Variants in AK7 observed in about 807,000 individuals in gnomAD.
AK7 encodes the protein ATP-AMP transphosphorylase 7.
In AK7, 78 loss-of-function variants were observed where a neutral mutation model predicts 96.6. The observed-to-expected ratio is 0.81, with a 90% confidence interval of 0.67 to 0.97. The LOEUF is 0.97. Ranked by LOEUF, AK7 falls within the 50% of genes least tolerant of loss-of-function variation. AK7 has a pLI of 0.00. For missense variants in AK7, 855 were observed against 887.9 expected (o/e 0.96, Z 0.47); for synonymous variants, 302 against 317.2 (o/e 0.95, Z 0.51).
chr14:96,467,619 C>T (rs1214217104), intron 12 of AK7, among the ~76,000 whole-genome samples: 1 of 152,122 alleles, frequency 6.6e-6, no homozygotes, highest in Non-Finnish European at 1.5e-5. Flanking sequence ...GGATCATAGG[C>T]GTGAGCCACC....
At chr14:96,427,454 AACTC>A (rs1292464533) in intron 5 of AK7, among the ~76,000 whole-genome samples, 1 of 152,186 alleles carries the variant, frequency 6.6e-6, no homozygotes, top group African/African-American at 2.4e-5. Context: ...AACTCATGAG[AACTC>A]ACTCACTATT....
intron 12 of AK7, among the ~76,000 whole-genome samples, chr14:96,459,403 C>T (rs1894132130): frequency 6.6e-6 from 1 of 152,024 alleles, no homozygotes; most frequent in Non-Finnish European, 1.5e-5. Context: ...GCAGAGGTTG[C>T]AGTGAGCCAA....
At position 96,478,486 on chromosome 14, in the gene AK7, C is replaced by A; in HGVS notation, c.1577C>A (p.Ala526Asp). 1 of 1,614,162 alleles carries A rather than the reference C, an allele frequency of 6.2e-7. No homozygotes were observed. Among genetic ancestry groups the A allele is most frequent in the Non-Finnish European group, 8.5e-7 (1 of 1,180,028 alleles). The change falls in exon 15 of 18, where the codon GCT (alanine) becomes GAT (aspartate). Residue 526 changes from alanine (A) to aspartate (D), a missense_variant. By Grantham distance (126) the Ala-to-Asp change is moderately radical. Coordinates refer to ENST00000267584, the MANE Select transcript of AK7 (RefSeq NM_152327.5). ...IIPEFVCALD[A>D]SDEFLKERVI... is the part of the protein sequence containing the mutation. Reference sequence around the variant, plus strand: ...CCAGAATTCGTTTGTGCACTGGATGCTTCGGATGAGTTTCTGAAGGAGCGT... The same window carrying A: ...CCAGAATTCGTTTGTGCACTGGATGATTCGGATGAGTTTCTGAAGGAGCGT...
chr14:96,396,560 G>A (rs1044688377), intron 1 of AK7, among the ~76,000 whole-genome samples: 6 of 152,200 alleles, frequency 3.9e-5, no homozygotes, highest in Non-Finnish European at 1.5e-5. Context: ...AATCTTGCAT[G>A]CTAACCTGGA....
At chr14:96,449,982 T>A (rs1893497482) in intron 9 of AK7, 103 bp downstream of exon 9, 2 of 901,660 alleles carry the variant, frequency 2.2e-6, no homozygotes, top group South Asian at 3.5e-5. Flanking sequence ...ATAACATTGA[T>A]CTGTGAGGGA....
At chr14:96,407,849 G>A (rs1049487781) in intron 3 of AK7, among the ~76,000 whole-genome samples, 1 of 152,078 alleles carries the variant, frequency 6.6e-6, no homozygotes, top group African/African-American at 2.4e-5. Flanking sequence ...CCAAAGTGCT[G>A]GGATTAGGCT....
At chr14:96,462,203 C>T (rs1566800881) in intron 12 of AK7, among the ~76,000 whole-genome samples, 1 of 152,020 alleles carries the variant, frequency 6.6e-6, no homozygotes, top group East Asian at 1.9e-4. Context: ...GGGGAAGATA[C>T]ATCTTTAGAA....
chr14:96,395,431 AG>A (rs1890010524), intron 1 of AK7, among the ~76,000 whole-genome samples: 1 of 152,086 alleles, frequency 6.6e-6, no homozygotes, highest in East Asian at 1.9e-4. Flanking sequence ...GGCTGGTCTC[AG>A]GGGTGGCAGA....
In AK7 at chr14:96,451,489, T is replaced by C; in HGVS notation, c.1017T>C (p.Asn339=). The C allele has an allele frequency of 2.5e-6, 4 of 1,603,880 alleles. No homozygotes were observed. The highest frequency in any genetic ancestry group is 3.4e-6 in the Non-Finnish European group (4 of 1,174,446). Reference sequence around the variant, plus strand: ...CGCTCTTTGTGAAGGAGAATTTTAATATTCGATGGGCTGCCCAAACAGGAT... The same window carrying C: ...CGCTCTTTGTGAAGGAGAATTTTAACATTCGATGGGCTGCCCAAACAGGAT... ...MEALFVKENF[N]IRWAAQTGFV... Residue 339 remains asparagine (N), a synonymous_variant, in exon 10 of 18, where the codon AAT becomes AAC. Transcript: ENST00000267584.
chr14:96,457,418 A>G (rs1893993744), intron 11 of AK7, among the ~76,000 whole-genome samples: 1 of 152,110 alleles, frequency 6.6e-6, no homozygotes, highest in Non-Finnish European at 1.5e-5. Flanking sequence ...TGCTTTTTTT[A>G]GTTTTATAAT....
chr14:96,393,839 G>A (rs1450325761), intron 1 of AK7, among the ~76,000 whole-genome samples: 1 of 152,016 alleles, frequency 6.6e-6, no homozygotes, highest in Non-Finnish European at 1.5e-5. Context: ...AGAGATTTAG[G>A]GTGGGCGTGG....
chr14:96,406,942 G>A (rs916726633), intron 3 of AK7, among the ~76,000 whole-genome samples: 5 of 152,114 alleles, frequency 3.3e-5, no homozygotes, highest in Non-Finnish European at 5.9e-5. Context: ...ACAGGGCTGG[G>A]ATTACAGACG....
At chr14:96,483,358 G>T (rs1279149192) in intron 16 of AK7, 139 bp downstream of exon 16, 4 of 851,322 alleles carry the variant, frequency 4.7e-6, no homozygotes, top group Non-Finnish European at 5.3e-6. Context: ...ATTTGTGTTT[G>T]CTTTTTGTCA....
rs1895804689 is a variant in AK7 at position 96,487,006 on chromosome 14, G to T, written c.2083G>T (p.Gly695Cys). ...MTYVMPTLIQGLNECCNVRPE... is the reference protein window; with the variant it reads ...MTYVMPTLIQCLNECCNVRPE... ...CTATGTGATGCCAACTCTTATTCAG[G>T]GCCTGAATGAATGTTGCAACGTCCG... Residue 695 changes from glycine to cysteine, a missense_variant, in exon 17 of 18, where the codon GGC becomes TGC. Gly to Cys is a radical substitution (Grantham distance 159). Transcript: ENST00000267584. The T allele has an allele frequency of 6.2e-7, 1 of 1,613,968 alleles. No homozygotes were observed. The highest frequency in any genetic ancestry group is 8.5e-7 in the Non-Finnish European group (1 of 1,179,982).
rs186234245 is a variant in AK7 at position 96,440,205 on chromosome 14, A to T, written c.690+2290A>T. ...TGGCCAGGCTGGTCTTGAACTCCTG[A>T]CTTCGTGATCCGCCCGCCTCAGCCT... is the stretch of plus-strand genomic sequence containing the variant. On this transcript the variant is annotated intron_variant, in intron 6 of 17. Coordinates refer to ENST00000267584, the MANE Select transcript of AK7 (RefSeq NM_152327.5). Among the ~76,000 whole-genome samples, 782 of 152,174 alleles carry T rather than the reference A, an allele frequency of 5.1e-3. 4 individuals carry two copies. The highest frequency in any genetic ancestry group is 0.018 in the African/African-American group (730 of 41,518).
At chr14:96,428,462 C>T (rs1892158318) in intron 5 of AK7, among the ~76,000 whole-genome samples, 1 of 152,146 alleles carries the variant, frequency 6.6e-6, no homozygotes, top group Non-Finnish European at 1.5e-5. Flanking sequence ...GATTTATAAT[C>T]CTTTGGGTAT....
At chr14:96,460,301 G>A (rs910216271) in intron 12 of AK7, among the ~76,000 whole-genome samples, 3 of 152,082 alleles carry the variant, frequency 2.0e-5, no homozygotes, top group East Asian at 1.9e-4. Flanking sequence ...TTGTAGTATC[G>A]CCTTCGGACT....
chr14:96,392,298 T>TCAGCTCC, intron 1 of AK7, 39 bp downstream of exon 1: 4 of 1,553,414 alleles, frequency 2.6e-6, no homozygotes, highest in Non-Finnish European at 2.7e-6. Flanking sequence ...ACGCCAGCTC[T>TCAGCTCC]CAGCTCCCAG....
At chr14:96,481,137 A>G (rs1895481334) in intron 15 of AK7, among the ~76,000 whole-genome samples, 1 of 152,044 alleles carries the variant, frequency 6.6e-6, no homozygotes, top group Admixed American at 6.6e-5. Context: ...CCAATCCCAC[A>G]TTCCCTGAAG....
Sources: gnomAD v4.1 joint callset for allele counts (sites outside exome capture counted in the v4.1 genomes callset) on GRCh38, gnomAD v4.1.1 for gene constraint, MANE v1.5 for transcripts, NCBI Gene and HGNC (gene_info 2026-07-23, HGNC 2026-07-21) for gene names.